Variants in SYT17 observed in about 807,000 individuals in gnomAD.
SYT17 encodes the protein synaptotagmin-17.
Under a neutral mutation model 46.7 loss-of-function variants are expected in SYT17, and 22 were observed. The observed-to-expected ratio is 0.47, with a 90% confidence interval of 0.34 to 0.67. SYT17 has a LOEUF of 0.67. SYT17 is among the 30% of genes least tolerant of loss of function. The probability of loss-of-function intolerance (pLI) is 0.01; values close to 1 mark genes in which losing one functional copy is unlikely to be tolerated. For synonymous variants in SYT17, 251 were observed against 248.4 expected, an observed-to-expected ratio of 1.01 and a Z score of -0.10; for missense variants, 519 against 612.8, an observed-to-expected ratio of 0.85 and a Z score of 1.62.
chr16:19,204,611 A>T (rs1030155734), intron 5 of SYT17, among the ~76,000 whole-genome samples: 1 of 151,984 alleles, frequency 6.6e-6, no homozygotes, highest in African/African-American at 2.4e-5. Context: ...GACTTAACTA[A>T]AGATCCCTGA....
chr16:19,248,565 A>G (rs1338043365), intron 7 of SYT17, among the ~76,000 whole-genome samples: 1 of 152,212 alleles, frequency 6.6e-6, no homozygotes. Flanking sequence ...TCACGCTTGT[A>G]ATCTCCACAC....
chr16:19,181,677 C>T (rs1964561435), intron 4 of SYT17, among the ~76,000 whole-genome samples: 3 of 148,452 alleles, frequency 2.0e-5, no homozygotes, highest in African/African-American at 7.6e-5. Context: ...GTGCAAAATA[C>T]ATACTGGACT....
At chr16:19,239,956 G>A (rs1041571076) in intron 7 of SYT17, among the ~76,000 whole-genome samples, 33 of 152,352 alleles carry the variant, frequency 2.2e-4, no homozygotes, top group Non-Finnish European at 2.6e-4. Flanking sequence ...GGCTCACTGC[G>A]AGGCTGCGGC....
intron 7 of SYT17, among the ~76,000 whole-genome samples, chr16:19,247,297 A>T (rs1447606951): frequency 6.6e-6 from 1 of 152,176 alleles, no homozygotes; most frequent in Non-Finnish European, 1.5e-5. Context: ...GGGCTTAGAA[A>T]CATTGTTAGA....
intron 3 of SYT17, 64 bp from the exon 4 acceptor site, chr16:19,180,327 G>A (rs1964495277): frequency 5.7e-6 from 9 of 1,588,356 alleles, no homozygotes; most frequent in Middle Eastern, 1.8e-4. Flanking sequence ...TAACCCCCAA[G>A]GGACAGAGAT....
chr16:19,200,055 C>T (rs1965400855), intron 5 of SYT17, among the ~76,000 whole-genome samples: 1 of 152,170 alleles, frequency 6.6e-6, no homozygotes, highest in Non-Finnish European at 1.5e-5. Context: ...ATGGCAGAGC[C>T]AGGACTCATG....
chr16:19,230,293 G>C (rs1966633484), intron 7 of SYT17, among the ~76,000 whole-genome samples: 1 of 151,980 alleles, frequency 6.6e-6, no homozygotes, highest in African/African-American at 2.4e-5. Context: ...TGTAATTCCA[G>C]CTACTCGGGA....
intron 7 of SYT17, among the ~76,000 whole-genome samples, chr16:19,244,888 T>A (rs1967419103): frequency 6.6e-6 from 1 of 152,176 alleles, no homozygotes; most frequent in African/African-American, 2.4e-5. Context: ...TTCTACTGGC[T>A]GAAACTCTGA....
At position 19,180,518 on chromosome 16, in the gene SYT17, A is replaced by G; in HGVS notation, c.310A>G (p.Ser104Gly). The G allele has an allele frequency of 6.2e-7, 1 of 1,614,196 alleles. No individual in the cohort carries two copies. The highest frequency in any genetic ancestry group is 1.7e-5 in the Admixed American group (1 of 60,032). ...SSSDTSKSTY[S>G]LTRRISSLES... is the part of the protein sequence containing the mutation. ...CTCAGACACATCCAAGTCTACATAC[A>G]GCCTGACGCGGAGGATTTCGAGTAA... The change falls in exon 4 of 8, where the codon AGC becomes GGC. Residue 104 changes from serine to glycine, a missense_variant. By Grantham distance (56) the Ser-to-Gly change is moderately conservative. Transcript: ENST00000355377.
rs1191498524 is a variant in SYT17 at position 19,208,884 on chromosome 16, C to CTTTTTTTTTTTTTTTTTTTTTTTTT, written c.952-14159_952-14135dup. On this transcript the variant is annotated intron_variant, in intron 5 of 7. Coordinates refer to ENST00000355377, the MANE Select transcript of SYT17 (RefSeq NM_016524.4). ...ATTTAATCACTTCTACAAGGACCTT[C>CTTTTTTTTTTTTTTTTTTTTTTTTT]TTTTTTTTTTTTTTTTTTTTTTTTT... 4.7e-5 allele frequency among the ~76,000 whole-genome samples: 3 copies of CTTTTTTTTTTTTTTTTTTTTTTTTT among 63,312 alleles called. 1 individual carries two copies. Among genetic ancestry groups the CTTTTTTTTTTTTTTTTTTTTTTTTT allele is most frequent in the African/African-American group, 1.4e-4 (2 of 14,200 alleles). The allele number at this position is 63,312 out of a possible 152,430, so 41.5% of individuals were successfully genotyped here.
intron 7 of SYT17, among the ~76,000 whole-genome samples, chr16:19,252,799 C>A (rs902698808): frequency 6.6e-6 from 1 of 151,766 alleles, no homozygotes; most frequent in Non-Finnish European, 1.5e-5. Context: ...TTGGGTGCCA[C>A]CTCCAGAGAC....
intron 5 of SYT17, among the ~76,000 whole-genome samples, chr16:19,191,112 C>G (rs1221509752): frequency 6.6e-6 from 1 of 151,894 alleles, no homozygotes; most frequent in African/African-American, 2.4e-5. Context: ...ACAGTTGTAT[C>G]CATTTGGCAA....
At chr16:19,195,085 TA>T (rs1211060218) in intron 5 of SYT17, among the ~76,000 whole-genome samples, 1 of 152,240 alleles carries the variant, frequency 6.6e-6, no homozygotes, top group East Asian at 1.9e-4. Context: ...ACATTAGGGA[TA>T]ATAATTCTTA....
At chr16:19,214,936 C>T (rs1966037242) in intron 5 of SYT17, among the ~76,000 whole-genome samples, 1 of 152,070 alleles carries the variant, frequency 6.6e-6, no homozygotes, top group Admixed American at 6.6e-5. Flanking sequence ...TTGCAGGCGC[C>T]CACCCCACAC....
At chr16:19,189,069 G>A (rs1048337156) in intron 5 of SYT17, among the ~76,000 whole-genome samples, 2 of 152,116 alleles carry the variant, frequency 1.3e-5, no homozygotes, top group Non-Finnish European at 2.9e-5. Context: ...CGTAATTTTA[G>A]TAGAGATGGG....
At chr16:19,224,101 TA>T (rs1288581859) in intron 6 of SYT17, among the ~76,000 whole-genome samples, 1 of 152,222 alleles carries the variant, frequency 6.6e-6, no homozygotes, top group Non-Finnish European at 1.5e-5. Flanking sequence ...TAAAATGATC[TA>T]AAAATGAATT....
intron 5 of SYT17, among the ~76,000 whole-genome samples, chr16:19,218,661 G>A (rs1465639079): frequency 6.6e-6 from 1 of 152,168 alleles, no homozygotes; most frequent in African/African-American, 2.4e-5. Context: ...GTGGCTTGAG[G>A]GGCTCTTAGG....
intron 7 of SYT17, among the ~76,000 whole-genome samples, chr16:19,247,319 C>A (rs1394404377): frequency 6.6e-6 from 1 of 152,234 alleles, no homozygotes; most frequent in Non-Finnish European, 1.5e-5. Context: ...TGAGCATCCT[C>A]ACCTATATCT....
At chr16:19,173,244 G>C (rs189048735) in intron 2 of SYT17, 186 bp from the exon 3 acceptor site, 1 of 558,184 alleles carries the variant, frequency 1.8e-6, no homozygotes, top group African/African-American at 1.9e-5. Context: ...GCCTGCAGTT[G>C]GTAAATAGAA....
Sources: gnomAD v4.1 joint callset for allele counts (sites outside exome capture counted in the v4.1 genomes callset) on GRCh38, gnomAD v4.1.1 for gene constraint, MANE v1.5 for transcripts, NCBI Gene and HGNC (gene_info 2026-07-23, HGNC 2026-07-21) for gene names.